ADGRL3: variants seen among roughly 807,000 people sequenced by gnomAD.
The protein encoded by ADGRL3 is calcium-independent alpha-latrotoxin receptor 3.
Under a neutral mutation model 153.5 loss-of-function variants are expected in ADGRL3, and 62 were observed. The ratio of observed to expected loss-of-function variants is 0.40; its 90% CI spans 0.33 to 0.50. The LOEUF (loss-of-function observed/expected upper bound fraction) is 0.50. ADGRL3 is among the 20% of genes least tolerant of loss of function. The probability of loss-of-function intolerance (pLI) is 0.47; values close to 1 mark genes in which losing one functional copy is unlikely to be tolerated. For synonymous variants in ADGRL3, 710 were observed against 672.5 expected (o/e 1.06, Z -0.86); for missense variants, 1,641 against 1,859.4 (o/e 0.88, Z 2.16).
intron 6 of ADGRL3, among the ~76,000 whole-genome samples, chr4:61,686,107 T>A (rs762456822): frequency 1.3e-5 from 2 of 152,086 alleles, no homozygotes; most frequent in Non-Finnish European, 2.9e-5. Flanking sequence ...CCATGCTCAT[T>A]TAGCTTTATT....
chr4:61,367,691 T>A (rs1359351220), intron 1 of ADGRL3, among the ~76,000 whole-genome samples: 1 of 110,498 alleles, frequency 9.0e-6, no homozygotes, highest in African/African-American at 3.5e-5. Context: ...AATGCCACAA[T>A]AAACATACGT....
intron 2 of ADGRL3, among the ~76,000 whole-genome samples, chr4:61,460,733 C>T (rs1446687001): frequency 6.6e-6 from 1 of 152,078 alleles, no homozygotes; most frequent in East Asian, 1.9e-4. Flanking sequence ...TTCATGGCAG[C>T]AGGCAAGAGA....
intron 5 of ADGRL3, among the ~76,000 whole-genome samples, chr4:61,658,035 T>C (rs2094490106): frequency 6.6e-6 from 1 of 152,140 alleles, no homozygotes; most frequent in Non-Finnish European, 1.5e-5. Flanking sequence ...CAGTAAGTCA[T>C]TTGTCATTTT....
chr4:62,033,700 A>C (rs755151268), intron 23 of ADGRL3, among the ~76,000 whole-genome samples: 1 of 151,854 alleles, frequency 6.6e-6, no homozygotes, highest in Non-Finnish European at 1.5e-5. Context: ...ATATTAGGTC[A>C]TTATGATCAG....
chr4:61,328,956 A>T (rs2150927137), intron 1 of ADGRL3, among the ~76,000 whole-genome samples: 1 of 152,246 alleles, frequency 6.6e-6, no homozygotes, highest in African/African-American at 2.4e-5. Context: ...TCATCATGGG[A>T]GACTTGATTA....
intron 1 of ADGRL3, among the ~76,000 whole-genome samples, chr4:61,319,684 A>G (rs1316164911): frequency 6.6e-6 from 1 of 152,186 alleles, no homozygotes; most frequent in African/African-American, 2.4e-5. Flanking sequence ...AATAATTATT[A>G]ATGATGTTGT....
chr4:61,635,920 G>C (rs568745901), intron 5 of ADGRL3, among the ~76,000 whole-genome samples: 1 of 151,948 alleles, frequency 6.6e-6, no homozygotes, highest in Non-Finnish European at 1.5e-5. Flanking sequence ...TACCATATTT[G>C]TGTATCACTG....
At chr4:61,249,861 G>T (rs770920787) in intron 1 of ADGRL3, among the ~76,000 whole-genome samples, 23 of 152,286 alleles carry the variant, frequency 1.5e-4, no homozygotes, top group Non-Finnish European at 2.9e-4. Context: ...CTGCGTAAAT[G>T]ATTCTTAGGC....
chr4:61,680,466 A>ATTTTTTTTTTTTTTTTTTTTTTTTTT (rs1169633836), intron 6 of ADGRL3, among the ~76,000 whole-genome samples: 1 of 145,080 alleles, frequency 6.9e-6, no homozygotes, highest in African/African-American at 2.6e-5. Context: ...GGCAATATTC[A>ATTTTTTTTTTTTTTTTTTTTTTTTTT]TTTTTAAGGT....
intron 26 of ADGRL3, among the ~76,000 whole-genome samples, chr4:62,069,052 A>G (rs1744496915): frequency 6.6e-6 from 1 of 152,126 alleles, no homozygotes; most frequent in South Asian, 2.1e-4. Flanking sequence ...TATTGTTTAA[A>G]TGTGTTTTTT....
At chr4:61,452,448 C>T (rs2097687459) in intron 2 of ADGRL3, among the ~76,000 whole-genome samples, 1 of 152,150 alleles carries the variant, frequency 6.6e-6, no homozygotes, top group Admixed American at 6.6e-5. Flanking sequence ...CAATGGTAGC[C>T]ACATTCATGA....
At chr4:61,343,786 A>G (rs960834487) in intron 1 of ADGRL3, among the ~76,000 whole-genome samples, 1 of 152,174 alleles carries the variant, frequency 6.6e-6, no homozygotes, top group Non-Finnish European at 1.5e-5. Flanking sequence ...TTATCCTTGC[A>G]TTTCTCAACC....
At chr4:61,568,405 G>A (rs759681761) in intron 4 of ADGRL3, among the ~76,000 whole-genome samples, 22 of 151,980 alleles carry the variant, frequency 1.4e-4, no homozygotes, top group Non-Finnish European at 2.4e-4. Flanking sequence ...ATCCGAATTT[G>A]TATTTTCCTT....
At chr4:61,813,414 A>G (rs1740518926) in intron 8 of ADGRL3, among the ~76,000 whole-genome samples, 1 of 152,168 alleles carries the variant, frequency 6.6e-6, no homozygotes, top group African/African-American at 2.4e-5. Flanking sequence ...ATAAATAAAT[A>G]AGAAAGAAAT....
intron 7 of ADGRL3, among the ~76,000 whole-genome samples, chr4:61,732,260 A>G (rs896266811): frequency 3.3e-5 from 5 of 152,070 alleles, no homozygotes; most frequent in African/African-American, 1.2e-4. Context: ...CCTGTATTAC[A>G]GGGCTTTTCT....
intron 25 of ADGRL3, among the ~76,000 whole-genome samples, chr4:62,057,695 T>C (rs992854002): frequency 2.0e-5 from 3 of 152,184 alleles, no homozygotes; most frequent in African/African-American, 7.2e-5. Context: ...ATTCATTTAT[T>C]GAGACAGGGT....
chr4:61,287,085 C>T (rs2093968399), intron 1 of ADGRL3, among the ~76,000 whole-genome samples: 1 of 151,592 alleles, frequency 6.6e-6, no homozygotes, highest in Non-Finnish European at 1.5e-5. Flanking sequence ...TAGGGATTTT[C>T]AATATGTAGA....
At chr4:61,854,940 A>G (rs2098245939) in intron 9 of ADGRL3, among the ~76,000 whole-genome samples, 1 of 152,174 alleles carries the variant, frequency 6.6e-6, no homozygotes, top group Non-Finnish European at 1.5e-5. Context: ...AGATTTAAGG[A>G]CTTTCTGCCA....
At chr4:61,821,449 G>A (rs1362080125) in intron 9 of ADGRL3, among the ~76,000 whole-genome samples, 1 of 151,528 alleles carries the variant, frequency 6.6e-6, no homozygotes, top group African/African-American at 2.4e-5. Context: ...CACAACCTCC[G>A]CCTCCCGGGT....
Sources: gnomAD v4.1 joint callset for allele counts (sites outside exome capture counted in the v4.1 genomes callset) on GRCh38, gnomAD v4.1.1 for gene constraint, MANE v1.5 for transcripts, NCBI Gene and HGNC (gene_info 2026-07-23, HGNC 2026-07-21) for gene names.